The following PTBP2 variants were observed in gnomAD, a reference collection of about 807,000 sequenced individuals.
The protein encoded by PTBP2 is polypyrimidine tract binding protein 2.
A neutral mutation model predicts 61.4 loss-of-function variants in PTBP2; 13 were observed. That is an observed-to-expected ratio of 0.21 (90% CI 0.14 to 0.34). The LOEUF is 0.34. PTBP2 is among the 10% of genes least tolerant of loss of function. PTBP2 has a pLI of 1.00. For synonymous variants in PTBP2, 215 were observed against 218.5 expected (o/e 0.98, Z 0.14); for missense variants, 405 against 642.6 (o/e 0.63, Z 4.00).
chr1:96,733,061 C>G lies in PTBP2; in HGVS notation c.39+9467C>G, dbSNP rs1283919920. Among the ~76,000 whole-genome samples the G allele has an allele frequency of 2.8e-5, 4 of 145,260 alleles. No homozygotes were observed. The South Asian group carries it at 8.8e-4, about 32-fold the overall frequency. The stretch of plus-strand genomic sequence containing the variant: ...TGCTATAGCAAATTTATTGTAACAA[C>G]ACAAAGTATTATCTTATAGTTTTGT... On this transcript the variant is annotated intron_variant, in intron 2 of 13. Coordinates refer to ENST00000674951, the MANE Select transcript of PTBP2 (RefSeq NM_021190.4).
intron 3 of PTBP2, among the ~76,000 whole-genome samples, chr1:96,755,845 G>GGGT (rs772268559): frequency 1.1e-4 from 16 of 152,164 alleles, no homozygotes; most frequent in Non-Finnish European, 1.9e-4. Flanking sequence ...CAGGCAGGAG[G>GGGT]GGTGGCAAAG....
At chr1:96,802,580 A>T (rs1009416837) in intron 8 of PTBP2, among the ~76,000 whole-genome samples, 1 of 152,090 alleles carries the variant, frequency 6.6e-6, no homozygotes, top group African/African-American at 2.4e-5. Context: ...TAATTTTTTT[A>T]TTGTGGCAAA....
chr1:96,757,873 T>C (rs59809222), intron 3 of PTBP2, among the ~76,000 whole-genome samples: 6,836 of 152,162 alleles, frequency 0.045, 481 homozygotes, highest in African/African-American at 0.15. Flanking sequence ...AATGAAAATA[T>C]ATCAAAATTT....
At chr1:96,775,322 TAA>T (rs2101033678) in intron 5 of PTBP2, among the ~76,000 whole-genome samples, 1 of 152,328 alleles carries the variant, frequency 6.6e-6, no homozygotes, top group Admixed American at 6.5e-5. Flanking sequence ...ATAGGTATGT[TAA>T]AAGATATGTA....
chr1:96,729,759 C>T (rs1332209657), intron 2 of PTBP2, among the ~76,000 whole-genome samples: 6 of 124,982 alleles, frequency 4.8e-5, no homozygotes, highest in Admixed American at 1.8e-4. Flanking sequence ...TTTTTTGAGA[C>T]GGAGCCTTGC....
rs773968630 is a variant in PTBP2, at chr1:96,806,828, T to C, written c.1079-38T>C. 29 of 1,494,960 alleles carry C rather than the reference T, an allele frequency of 1.9e-5. No homozygotes were observed. In the East Asian group the frequency reaches 6.3e-4, roughly 33 times the overall value. 92.6% of individuals were successfully genotyped at this position (1,494,960 alleles called of 1,614,324 possible). ...TTAGGTGACTTCCACATAAAATTAATTCCATTTTTGGATTACCTCTCTGTG... is the reference window on the plus strand; with the variant it reads ...TTAGGTGACTTCCACATAAAATTAACTCCATTTTTGGATTACCTCTCTGTG... On this transcript the variant is annotated intron_variant, in intron 10 of 13. Coordinates refer to ENST00000674951, the MANE Select transcript of PTBP2 (RefSeq NM_021190.4).
chr1:96,798,593 C>G (rs1472860729), intron 8 of PTBP2, among the ~76,000 whole-genome samples: 3 of 151,996 alleles, frequency 2.0e-5, no homozygotes, highest in African/African-American at 7.3e-5. Context: ...TGACATTGTT[C>G]AAAATCATAG....
chr1:96,733,196 CTT>C (rs201210946), intron 2 of PTBP2, among the ~76,000 whole-genome samples: 2,485 of 152,180 alleles, frequency 0.016, 78 homozygotes, highest in African/African-American at 0.057. Context: ...CGGCTGTTAG[CTT>C]CATCTTCAAA....
intron 2 of PTBP2, among the ~76,000 whole-genome samples, chr1:96,729,872 G>A (rs1173007472): frequency 2.0e-5 from 3 of 151,908 alleles, no homozygotes; most frequent in African/African-American, 2.4e-5. Context: ...AAGTAGCTGG[G>A]ATCACAGGCA....
rs762152365 is a variant in PTBP2 at position 96,726,074 on chromosome 1, C to CAAAAAAA, written c.39+2511_39+2517dup. On this transcript the variant is annotated intron_variant, in intron 2 of 13. Transcript: ENST00000674951. ...TGGGCGACAGAGACAGACTCTATCTCAAAAAAAAAAAAAAAAAAAAAAAAA... is the reference window on the plus strand; with the variant it reads ...TGGGCGACAGAGACAGACTCTATCTCAAAAAAAAAAAAAAAAAAAAAAAAAAAAAAAA... Among the ~76,000 whole-genome samples the CAAAAAAA allele has an allele frequency of 7.0e-4, 38 of 54,220 alleles. 1 individual carries two copies. The highest frequency in any genetic ancestry group is 8.4e-4 in the South Asian group (1 of 1,190). 35.6% of individuals were successfully genotyped at this position (54,220 alleles called of 152,430 possible).
Position 96,773,704 on chromosome 1 carries a change from T to C in PTBP2, c.432+2853T>C, listed in dbSNP as rs540983118. Among the ~76,000 whole-genome samples, 180 of 152,064 alleles carry C rather than the reference T, an allele frequency of 1.2e-3. 3 individuals carry two copies. The highest frequency in any genetic ancestry group is 0.011 in the Admixed American group (175 of 15,278). On this transcript the variant is annotated intron_variant, in intron 5 of 13. Transcript: ENST00000674951. ...AGAATTTCTGGTACCAGGCTGTGCG[T>C]GGTGGCTCACACTTGTAATCCCAGC... is the stretch of plus-strand genomic sequence containing the variant.
intron 4 of PTBP2, among the ~76,000 whole-genome samples, chr1:96,770,197 G>T (rs1370634911): frequency 6.6e-6 from 1 of 151,796 alleles, no homozygotes; most frequent in African/African-American, 2.4e-5. Flanking sequence ...GGTACTAGTC[G>T]CATCTTTCCT....
chr1:96,746,457 G>A (rs1485993254), intron 2 of PTBP2, among the ~76,000 whole-genome samples: 1 of 152,082 alleles, frequency 6.6e-6, no homozygotes, highest in African/African-American at 2.4e-5. Flanking sequence ...GGCCATGGAT[G>A]TTTCTCTTTT....
rs1358838779 is a variant in PTBP2 at position 96,813,494 on chromosome 1, T to A, written c.*89T>A. 1 of 1,261,404 alleles carries A rather than the reference T, an allele frequency of 7.9e-7. No individual in the cohort carries two copies. The allele number at this position is 1,261,404 out of a possible 1,614,324, so 78.1% of individuals were successfully genotyped here. A position where few individuals can be genotyped will look rare whatever the true frequency, so the allele number is the denominator to read the frequency against. On this transcript the variant is annotated 3_prime_UTR_variant, in exon 14 of 14. Coordinates refer to ENST00000674951, the MANE Select transcript of PTBP2 (RefSeq NM_021190.4). ...CAGAAAAGTGGGGACCAGAGTTTGA[T>A]TTTTTTTGTTTTTGTTTTTTTGGGG...
intron 2 of PTBP2, among the ~76,000 whole-genome samples, chr1:96,728,677 G>T (rs949893842): frequency 2.6e-5 from 4 of 152,000 alleles, no homozygotes; most frequent in African/African-American, 7.2e-5. Context: ...TGAGTCCTTT[G>T]TATTTTCATA....
At chr1:96,773,123 C>CAAAAAAAAAA (rs563241972) in intron 5 of PTBP2, among the ~76,000 whole-genome samples, 1 of 88,260 alleles carries the variant, frequency 1.1e-5, no homozygotes, top group African/African-American at 4.8e-5. Context: ...GACTCTATCT[C>CAAAAAAAAAA]AAAAAAAAAA....
chr1:96,810,817 G>A (rs1310972304), intron 11 of PTBP2, among the ~76,000 whole-genome samples: 1 of 152,262 alleles, frequency 6.6e-6, no homozygotes, highest in East Asian at 1.9e-4. Flanking sequence ...TTATAATTCA[G>A]TGGGTTTTAT....
intron 2 of PTBP2, among the ~76,000 whole-genome samples, chr1:96,738,917 T>G (rs1191120613): frequency 1.3e-5 from 2 of 152,214 alleles, no homozygotes; most frequent in Non-Finnish European, 2.9e-5. Context: ...AGATGCTGAT[T>G]ACAGCATTAT....
At chr1:96,752,063 A>G (rs1654618437) in intron 3 of PTBP2, among the ~76,000 whole-genome samples, 1 of 152,098 alleles carries the variant, frequency 6.6e-6, no homozygotes, top group South Asian at 2.1e-4. Context: ...AAAATTGTAT[A>G]TGTCTGAAAT....
Sources: allele counts gnomAD v4.1 joint callset (sites outside exome capture counted in the v4.1 genomes callset), GRCh38; gene constraint gnomAD v4.1.1; transcripts MANE v1.5; gene names NCBI Gene and HGNC (gene_info 2026-07-23, HGNC 2026-07-21).